GALNTL6: variants seen among roughly 807,000 people sequenced by gnomAD.
The protein encoded by GALNTL6 is polypeptide N-acetylgalactosaminyltransferase-like 6.
GALNTL6 carries 46 observed loss-of-function variants against 73.7 expected under a neutral mutation model. The ratio of observed to expected loss-of-function variants is 0.62; its 90% CI spans 0.49 to 0.80. GALNTL6 has a LOEUF of 0.80. Among genes scored for constraint, GALNTL6 ranks in the 30% least tolerant of loss-of-function variants. The pLI, the probability that GALNTL6 is intolerant of heterozygous loss-of-function variation, is 0.00. For synonymous variants in GALNTL6, 259 were observed against 263.7 expected (o/e 0.98, Z 0.17); for missense variants, 604 against 755.0 (o/e 0.80, Z 2.34).
At chr4:172,205,089 T>G (rs1358014650) in intron 2 of GALNTL6, among the ~76,000 whole-genome samples, 3 of 152,226 alleles carry the variant, frequency 2.0e-5, no homozygotes, top group Non-Finnish European at 2.9e-5. Context: ...AACCCCTAGA[T>G]ACACTACATT....
intron 5 of GALNTL6, among the ~76,000 whole-genome samples, chr4:172,434,162 C>T (rs1010600501): frequency 3.9e-4 from 59 of 152,046 alleles, no homozygotes; most frequent in Middle Eastern, 6.8e-3. Context: ...CATTTTGTGA[C>T]GAAAATATAA....
chr4:172,892,439 T>C (rs916013936), intron 8 of GALNTL6, among the ~76,000 whole-genome samples: 1 of 152,180 alleles, frequency 6.6e-6, no homozygotes, highest in African/African-American at 2.4e-5. Context: ...GATAGTTTCC[T>C]GCTTTGGGTT....
intron 5 of GALNTL6, among the ~76,000 whole-genome samples, chr4:172,441,694 C>T (rs1422553253): frequency 6.6e-6 from 1 of 152,074 alleles, no homozygotes; most frequent in African/African-American, 2.4e-5. Context: ...AGATAAATTT[C>T]GTTCAGGCAT....
intron 2 of GALNTL6, among the ~76,000 whole-genome samples, chr4:171,958,053 T>C (rs1380315518): frequency 6.6e-6 from 1 of 152,216 alleles, no homozygotes; most frequent in Non-Finnish European, 1.5e-5. Context: ...CACATGTTAA[T>C]CTAGAGCACA....
intron 2 of GALNTL6, among the ~76,000 whole-genome samples, chr4:171,966,870 A>AT (rs1201617903): frequency 1.3e-5 from 2 of 151,884 alleles, no homozygotes; most frequent in Admixed American, 1.3e-4. Flanking sequence ...TTCTCCTATA[A>AT]TTTTTTTCTT....
intron 3 of GALNTL6, among the ~76,000 whole-genome samples, chr4:172,267,666 C>A (rs1738494701): frequency 6.6e-6 from 1 of 152,114 alleles, no homozygotes; most frequent in East Asian, 1.9e-4. Flanking sequence ...TGGTTCCTCT[C>A]ATGTGTTCCT....
chr4:172,156,540 A>ATATATAGTGT (rs58197299), intron 2 of GALNTL6, among the ~76,000 whole-genome samples: 6 of 125,186 alleles, frequency 4.8e-5, no homozygotes, highest in African/African-American at 2.1e-4. Flanking sequence ...ATATATATAT[A>ATATATAGTGT]ATATATATAT....
chr4:172,253,709 G>A (rs1193549627), intron 3 of GALNTL6, among the ~76,000 whole-genome samples: 4 of 151,750 alleles, frequency 2.6e-5, no homozygotes, highest in African/African-American at 9.7e-5. Flanking sequence ...CTTTTCTCTG[G>A]GACTCCAAGA....
chr4:171,886,868 G>C (rs1226410425), intron 2 of GALNTL6, among the ~76,000 whole-genome samples: 1 of 152,150 alleles, frequency 6.6e-6, no homozygotes, highest in Non-Finnish European at 1.5e-5. Flanking sequence ...AGCCATAGAA[G>C]TATGTGAGCA....
chr4:172,827,083 T>A (rs916516087), intron 7 of GALNTL6, among the ~76,000 whole-genome samples: 6 of 152,186 alleles, frequency 3.9e-5, no homozygotes, highest in Non-Finnish European at 8.8e-5. Context: ...CTTGATAGAG[T>A]GCCCACAGAT....
chr4:172,798,116 AT>A (rs1225268129), intron 5 of GALNTL6, among the ~76,000 whole-genome samples: 1 of 152,118 alleles, frequency 6.6e-6, no homozygotes, highest in African/African-American at 2.4e-5. Flanking sequence ...TTCACTTACA[AT>A]CATTTAGGTC....
chr4:172,801,143 C>A (rs907174976), intron 5 of GALNTL6, among the ~76,000 whole-genome samples: 6 of 152,090 alleles, frequency 3.9e-5, no homozygotes, highest in African/African-American at 1.4e-4. Flanking sequence ...ACTGAGTATG[C>A]ATTACCTTTT....
Position 171,945,114 on chromosome 4 carries a change from G to A in GALNTL6, c.138+130396G>A, listed in dbSNP as rs548230500. Among the ~76,000 whole-genome samples the A allele has an allele frequency of 3.3e-5, 5 of 152,130 alleles. No individual in the cohort carries two copies. In the South Asian group the frequency reaches 6.2e-4, roughly 19 times the overall value. ...AAATTTCAATAAGTAGCTGAGTTCC[G>A]AAGTGTTTATTTGAACAGAATGTTT... On this transcript the variant is annotated intron_variant, in intron 2 of 12. Coordinates refer to ENST00000506823, the MANE Select transcript of GALNTL6 (RefSeq NM_001034845.3).
intron 5 of GALNTL6, among the ~76,000 whole-genome samples, chr4:172,711,968 G>A (rs374802406): frequency 1.3e-5 from 2 of 152,126 alleles, no homozygotes; most frequent in South Asian, 2.1e-4. Context: ...GAGCTATCCC[G>A]GAAGGCAGGA....
chr4:172,333,431 A>G (rs1382016858), intron 4 of GALNTL6, among the ~76,000 whole-genome samples: 4 of 152,082 alleles, frequency 2.6e-5, no homozygotes, highest in African/African-American at 9.7e-5. Flanking sequence ...AAACAAAACA[A>G]AACAAAAAAC....
chr4:172,658,981 G>A (rs935105012), intron 5 of GALNTL6, among the ~76,000 whole-genome samples: 1 of 152,164 alleles, frequency 6.6e-6, no homozygotes, highest in African/African-American at 2.4e-5. Context: ...AAGAATGCAT[G>A]AAAAAGCATA....
chr4:171,963,591 C>T (rs2111051245), intron 2 of GALNTL6, among the ~76,000 whole-genome samples: 1 of 152,210 alleles, frequency 6.6e-6, no homozygotes, highest in South Asian at 2.1e-4. Flanking sequence ...TTATTTAGTT[C>T]TCTATATGAA....
At chr4:172,219,057 T>A (rs559941510) in intron 2 of GALNTL6, among the ~76,000 whole-genome samples, 49 of 150,814 alleles carry the variant, frequency 3.2e-4, no homozygotes, top group African/African-American at 1.2e-3. Flanking sequence ...TTATTTTAAC[T>A]CCTGAAAGAA....
At chr4:172,002,216 T>C (rs1740697194) in intron 2 of GALNTL6, among the ~76,000 whole-genome samples, 1 of 152,200 alleles carries the variant, frequency 6.6e-6, no homozygotes, top group Admixed American at 6.5e-5. Context: ...ATCAAATTCA[T>C]ATGTTGAAAC....
Sources: allele counts gnomAD v4.1 joint callset (sites outside exome capture counted in the v4.1 genomes callset), GRCh38; gene constraint gnomAD v4.1.1; transcripts MANE v1.5; gene names NCBI Gene and HGNC (gene_info 2026-07-23, HGNC 2026-07-21).